Variants in PTK2 observed in about 807,000 individuals in gnomAD.
The protein encoded by PTK2 is protein tyrosine kinase 2, also known as focal adhesion kinase 1.
PTK2 carries 45 observed loss-of-function variants against 150.1 expected under a neutral mutation model. That is an observed-to-expected ratio of 0.30 (90% confidence interval 0.24 to 0.38). The LOEUF (loss-of-function observed/expected upper bound fraction) is 0.38, where lower values mean the gene tolerates loss of function less well. PTK2 is among the 10% of genes least tolerant of loss of function. The probability of loss-of-function intolerance (pLI) is 1.00; values close to 1 mark genes in which losing one functional copy is unlikely to be tolerated. For synonymous variants in PTK2, 432 were observed against 449.2 expected (o/e 0.96, Z 0.48); for missense variants, 919 against 1,307.3 (o/e 0.70, Z 4.58).
intron 4 of PTK2, among the ~76,000 whole-genome samples, chr8:140,867,782 C>T (rs1377102314): frequency 6.6e-6 from 1 of 152,212 alleles, no homozygotes; most frequent in Non-Finnish European, 1.5e-5. Context: ...TGCTTCAACA[C>T]ACTACAGTCT....
chr8:140,924,586 TATGCTGG>T (rs2154608352), intron 2 of PTK2, among the ~76,000 whole-genome samples: 1 of 152,324 alleles, frequency 6.6e-6, no homozygotes, highest in South Asian at 2.1e-4. Context: ...GGTATATGTA[TATGCTGG>T]ACGTCAGTGA....
chr8:140,956,657 T>C (rs752084109), intron 1 of PTK2, among the ~76,000 whole-genome samples: 2 of 152,194 alleles, frequency 1.3e-5, no homozygotes, highest in Non-Finnish European at 2.9e-5. Context: ...CCCTAAAGAC[T>C]TTCCAGTGGG....
intron 1 of PTK2, among the ~76,000 whole-genome samples, chr8:140,999,222 G>GATGT (rs989582770): frequency 3.9e-5 from 6 of 152,172 alleles, no homozygotes; most frequent in African/African-American, 1.4e-4. Flanking sequence ...ACCACTGAAT[G>GATGT]ATGTATGGGT....
At chr8:140,737,841 T>C (rs2100053484) in intron 21 of PTK2, among the ~76,000 whole-genome samples, 1 of 152,236 alleles carries the variant, frequency 6.6e-6, no homozygotes, top group Non-Finnish European at 1.5e-5. Flanking sequence ...ACTTGCTCTG[T>C]GGATCACACA....
chr8:140,990,926 T>C (rs2100195491), intron 1 of PTK2, among the ~76,000 whole-genome samples: 1 of 152,152 alleles, frequency 6.6e-6, no homozygotes, highest in Admixed American at 6.6e-5. Context: ...TTTCACTCCT[T>C]ACATTATTTA....
At chr8:140,964,547 A>ATTT (rs1025644210) in intron 1 of PTK2, among the ~76,000 whole-genome samples, 27 of 76,848 alleles carry the variant, frequency 3.5e-4, no homozygotes, top group African/African-American at 6.5e-4. Context: ...GCCCCAGGTA[A>ATTT]TTTTTTTTTT....
intron 1 of PTK2, among the ~76,000 whole-genome samples, chr8:140,969,207 C>A (rs967582162): frequency 3.3e-5 from 5 of 152,100 alleles, no homozygotes; most frequent in Admixed American, 6.5e-5. Flanking sequence ...CCTAACATAA[C>A]ATCCAAAAAG....
chr8:140,970,366 A>G (rs2154609627), intron 1 of PTK2, among the ~76,000 whole-genome samples: 1 of 152,370 alleles, frequency 6.6e-6, no homozygotes, highest in South Asian at 2.1e-4. Flanking sequence ...TTAAGCGAAT[A>G]AAAATGTCCA....
chr8:140,813,171 TAATAACC>T (rs2100102603), intron 10 of PTK2, among the ~76,000 whole-genome samples: 1 of 152,184 alleles, frequency 6.6e-6, no homozygotes. Flanking sequence ...ACTGAAATCA[TAATAACC>T]ATTCCCTCAG....
intron 8 of PTK2, among the ~76,000 whole-genome samples, chr8:140,828,387 C>T: frequency 6.6e-6 from 1 of 152,136 alleles, no homozygotes; most frequent in East Asian, 1.9e-4. Flanking sequence ...TACACTCACA[C>T]CATGGCACCT....
chr8:140,977,072 A>C (rs1459132764), intron 1 of PTK2, among the ~76,000 whole-genome samples: 1 of 152,234 alleles, frequency 6.6e-6, no homozygotes, highest in Non-Finnish European at 1.5e-5. Context: ...CTAAATATTA[A>C]ACTTCTTTAT....
chr8:140,839,670 A>C (rs917245708), intron 7 of PTK2, among the ~76,000 whole-genome samples: 3 of 152,218 alleles, frequency 2.0e-5, no homozygotes, highest in African/African-American at 4.8e-5. Context: ...AATCCAAAGA[A>C]ATATCTCCCC....
intron 1 of PTK2, among the ~76,000 whole-genome samples, chr8:140,946,557 G>A (rs1330036145): frequency 2.0e-5 from 3 of 152,120 alleles, no homozygotes; most frequent in African/African-American, 4.8e-5. Context: ...GATTATTTCC[G>A]TTGCTTCTGG....
intron 5 of PTK2, among the ~76,000 whole-genome samples, chr8:140,862,763 G>A (rs1289843525): frequency 2.0e-5 from 3 of 152,254 alleles, no homozygotes; most frequent in South Asian, 4.1e-4. Flanking sequence ...TCTAGGTTGC[G>A]CATTCCTTAT....
chr8:140,932,221 T>C (rs1267790824), intron 1 of PTK2, among the ~76,000 whole-genome samples: 1 of 152,172 alleles, frequency 6.6e-6, no homozygotes, highest in Non-Finnish European at 1.5e-5. Context: ...ATTTAACATT[T>C]CTTTTTTTTC....
chr8:140,892,834 T>C (rs1462515577), intron 2 of PTK2, among the ~76,000 whole-genome samples: 1 of 152,020 alleles, frequency 6.6e-6, no homozygotes, highest in Non-Finnish European at 1.5e-5. Context: ...AGACAATTAA[T>C]TAAAAAGATA....
exon 10 of PTK2, chr8:140,818,308 CCTT>C: frequency 6.2e-7 from 1 of 1,614,102 alleles, no homozygotes; most frequent in Non-Finnish European, 8.5e-7. Flanking sequence ...GTAACTGATT[CCTT>C]CTTCTGGGCC....
At chr8:140,763,731 C>T (rs1028730118) in intron 15 of PTK2, among the ~76,000 whole-genome samples, 2 of 151,796 alleles carry the variant, frequency 1.3e-5, no homozygotes, top group Non-Finnish European at 2.9e-5. Flanking sequence ...TACAAACTGA[C>T]GATGGTTATG....
intron 7 of PTK2, among the ~76,000 whole-genome samples, chr8:140,834,672 T>C (rs541188065): frequency 2.0e-5 from 3 of 152,290 alleles, no homozygotes; most frequent in African/African-American, 7.2e-5. Context: ...GTGAGATAAT[T>C]ACATAAACAA....
Sources: allele counts gnomAD v4.1 joint callset (sites outside exome capture counted in the v4.1 genomes callset), GRCh38; gene constraint gnomAD v4.1.1; transcripts MANE v1.5; gene names NCBI Gene and HGNC (gene_info 2026-07-23, HGNC 2026-07-21).